Variants in EYS observed in about 807,000 individuals in gnomAD.
EYS encodes the protein EGF-like photoreceptor maintenance factor.
Under a neutral mutation model 282.1 loss-of-function variants are expected in EYS, and 250 were observed. The ratio of observed to expected loss-of-function variants is 0.89; its 90% CI spans 0.80 to 0.98. The LOEUF (loss-of-function observed/expected upper bound fraction) is 0.98, where lower values mean the gene tolerates loss of function less well. Among genes scored for constraint, EYS ranks in the 50% least tolerant of loss-of-function variants. EYS has a pLI of 0.00. For synonymous variants in EYS, 1,355 were observed against 1,282.9 expected (o/e 1.06, Z -1.20); for missense variants, 4,016 against 3,709.0 (o/e 1.08, Z -2.15).
chr6:64,534,798 T>G (rs1051252389), intron 26 of EYS, among the ~76,000 whole-genome samples: 1 of 136,368 alleles, frequency 7.3e-6, no homozygotes, highest in African/African-American at 3.1e-5. Flanking sequence ...AACACCATCT[T>G]TTTTTTTTTT....
chr6:64,392,936 T>C (rs987106428), intron 28 of EYS, among the ~76,000 whole-genome samples: 1 of 151,908 alleles, frequency 6.6e-6, no homozygotes, highest in Non-Finnish European at 1.5e-5. Context: ...TAAAAAATGA[T>C]AAAGGGGATA....
chr6:64,071,162 A>C (rs1771560276), intron 32 of EYS, among the ~76,000 whole-genome samples: 1 of 152,080 alleles, frequency 6.6e-6, no homozygotes, highest in Admixed American at 6.6e-5. Flanking sequence ...GATTAAAAGC[A>C]ACAGTCAGGG....
intron 13 of EYS, among the ~76,000 whole-genome samples, chr6:65,038,058 G>A (rs967853006): frequency 1.3e-5 from 2 of 151,482 alleles, no homozygotes; most frequent in African/African-American, 4.8e-5. Context: ...AAAAGGTTTA[G>A]AATCACTAAC....
intron 2 of EYS, among the ~76,000 whole-genome samples, chr6:65,600,435 T>C (rs1164818465): frequency 6.6e-6 from 1 of 152,046 alleles, no homozygotes; most frequent in Admixed American, 6.6e-5. Flanking sequence ...GGATGGCTCT[T>C]ATATTCTTAT....
chr6:65,484,246 G>T (rs1490646307), intron 5 of EYS, among the ~76,000 whole-genome samples: 1 of 152,046 alleles, frequency 6.6e-6, no homozygotes, highest in Non-Finnish European at 1.5e-5. Context: ...GAATATTGCT[G>T]AAGTATCTCA....
At chr6:65,616,224 T>C (rs1031321300) in intron 2 of EYS, among the ~76,000 whole-genome samples, 1 of 152,208 alleles carries the variant, frequency 6.6e-6, no homozygotes, top group East Asian at 1.9e-4. Context: ...CTAGTGTTAA[T>C]AGTCATATAA....
At chr6:64,997,474 A>AAT (rs1771305880) in intron 14 of EYS, 108 bp downstream of exon 14, 1 of 1,006,518 alleles carries the variant, frequency 9.9e-7, no homozygotes, top group Admixed American at 2.9e-5. Flanking sequence ...AAGCATATGT[A>AAT]ATATATATAC....
At chr6:64,850,881 A>G (rs1221909911) in intron 19 of EYS, among the ~76,000 whole-genome samples, 1 of 152,132 alleles carries the variant, frequency 6.6e-6, no homozygotes, top group East Asian at 1.9e-4. Context: ...GACAACCAAC[A>G]TAATTTTATT....
At chr6:63,967,796 A>G (rs537869580) in intron 35 of EYS, among the ~76,000 whole-genome samples, 1 of 152,282 alleles carries the variant, frequency 6.6e-6, no homozygotes, top group Non-Finnish European at 1.5e-5. Context: ...ATGTCCTTGC[A>G]TTTGTATGAT....
intron 36 of EYS, among the ~76,000 whole-genome samples, chr6:63,815,080 C>T (rs867035154): frequency 2.6e-5 from 4 of 152,036 alleles, no homozygotes; most frequent in Admixed American, 6.6e-5. Flanking sequence ...GCTCAAGTTC[C>T]GTGGATACAT....
chr6:65,606,914 T>G (rs1765818102), intron 2 of EYS, among the ~76,000 whole-genome samples: 1 of 151,726 alleles, frequency 6.6e-6, no homozygotes, highest in South Asian at 2.1e-4. Flanking sequence ...AATTTACTAG[T>G]TATTTTAATG....
chr6:65,055,746 T>C (rs2150156669), intron 13 of EYS, among the ~76,000 whole-genome samples: 1 of 152,184 alleles, frequency 6.6e-6, no homozygotes, highest in Non-Finnish European at 1.5e-5. Context: ...ACTCAGAAAA[T>C]GTACTTTTGA....
At chr6:65,645,671 A>G (rs1767425400) in intron 1 of EYS, among the ~76,000 whole-genome samples, 1 of 152,014 alleles carries the variant, frequency 6.6e-6, no homozygotes, top group African/African-American at 2.4e-5. Context: ...GAAAATAAAT[A>G]ATGAATATAA....
intron 29 of EYS, among the ~76,000 whole-genome samples, chr6:64,341,200 T>C (rs1008047256): frequency 6.6e-6 from 1 of 151,830 alleles, no homozygotes; most frequent in Admixed American, 6.6e-5. Flanking sequence ...ATCCCATTAC[T>C]GGCCATATAT....
Position 64,823,616 on chromosome 6 carries a change from G to T in EYS, c.2993-794C>A, listed in dbSNP as rs987338797. On this transcript the variant is annotated intron_variant, in intron 19 of 42. Transcript: ENST00000503581. ...TAGCATTGACTGAGCACTTATAGGT[G>T]TGCCCTGCCCTTAAGGCTTCCTGCA... Among the ~76,000 whole-genome samples the T allele has an allele frequency of 2.6e-5, 4 of 151,922 alleles. No individual in the cohort carries two copies. The East Asian group carries it at 7.7e-4, about 29-fold the overall frequency.
chr6:64,280,380 G>C (rs1768263460), intron 30 of EYS, among the ~76,000 whole-genome samples: 1 of 151,918 alleles, frequency 6.6e-6, no homozygotes, highest in South Asian at 2.1e-4. Flanking sequence ...TGATCTCTGA[G>C]GTATTTTCCA....
chr6:64,280,963 G>C (rs1204718581), intron 30 of EYS, among the ~76,000 whole-genome samples: 1 of 151,980 alleles, frequency 6.6e-6, no homozygotes, highest in Admixed American at 6.6e-5. Flanking sequence ...TTCCTTTGTT[G>C]GTAAAAGTAT....
intron 5 of EYS, among the ~76,000 whole-genome samples, chr6:65,469,192 T>C (rs1266997860): frequency 6.6e-6 from 1 of 152,082 alleles, no homozygotes; most frequent in Non-Finnish European, 1.5e-5. Flanking sequence ...TCTGTTTTTA[T>C]TTGCCAATTC....
chr6:64,189,208 A>C (rs931708358), intron 31 of EYS, among the ~76,000 whole-genome samples: 1 of 152,242 alleles, frequency 6.6e-6, no homozygotes, highest in Admixed American at 6.5e-5. Context: ...TAAGCATAAT[A>C]CATTTATAAT....
Sources: allele counts gnomAD v4.1 joint callset (sites outside exome capture counted in the v4.1 genomes callset), GRCh38; gene constraint gnomAD v4.1.1; transcripts MANE v1.5; gene names NCBI Gene and HGNC (gene_info 2026-07-23, HGNC 2026-07-21).